TMTC1: variants seen among roughly 807,000 people sequenced by gnomAD.
The protein encoded by TMTC1 is transmembrane O-mannosyltransferase targeting cadherins 1.
Under a neutral mutation model 104.8 loss-of-function variants are expected in TMTC1, and 73 were observed. The observed-to-expected ratio is 0.70, with a 90% CI of 0.58 to 0.85. The LOEUF is 0.85. TMTC1 is among the 40% of genes least tolerant of loss of function. TMTC1 has a pLI of 0.00. For synonymous variants in TMTC1, 434 were observed against 428.7 expected (o/e 1.01, Z -0.15); for missense variants, 1,035 against 1,096.1 (o/e 0.94, Z 0.79).
At chr12:29,691,717 T>C (rs1207008503) in intron 5 of TMTC1, among the ~76,000 whole-genome samples, 1 of 76,446 alleles carries the variant, frequency 1.3e-5, no homozygotes, top group Non-Finnish European at 2.2e-5. Context: ...CACCCAAAAG[T>C]AGGAAAAAAA....
intron 5 of TMTC1, among the ~76,000 whole-genome samples, chr12:29,648,501 C>G (rs2136587274): frequency 6.6e-6 from 1 of 152,258 alleles, no homozygotes; most frequent in African/African-American, 2.4e-5. Flanking sequence ...TCAGAATCAG[C>G]TGAGCAAAAC....
chr12:29,767,303 A>G (rs940753830), intron 2 of TMTC1, among the ~76,000 whole-genome samples: 1 of 152,150 alleles, frequency 6.6e-6, no homozygotes, highest in Non-Finnish European at 1.5e-5. Flanking sequence ...TACCCTTCCT[A>G]TTAAGTAACT....
At chr12:29,568,789 C>T in intron 9 of TMTC1, 2 of 389,986 alleles carry the variant, frequency 5.1e-6, no homozygotes, top group Non-Finnish European at 1.0e-5. Flanking sequence ...TTAGCTGAGG[C>T]ATTTCTTGGG....
intron 5 of TMTC1, among the ~76,000 whole-genome samples, chr12:29,695,655 C>G (rs920918308): frequency 6.6e-6 from 1 of 151,730 alleles, no homozygotes; most frequent in Non-Finnish European, 1.5e-5. Flanking sequence ...GGAGCCACTA[C>G]TTAATACATT....
intron 15 of TMTC1, 31 bp downstream of exon 15, chr12:29,516,318 C>T: frequency 6.3e-7 from 1 of 1,596,484 alleles, no homozygotes; most frequent in Non-Finnish European, 8.6e-7. Context: ...ACCTATGAAT[C>T]CAAAGAACTC....
At chr12:29,708,644 T>C (rs11613653) in intron 5 of TMTC1, among the ~76,000 whole-genome samples, 3 of 152,216 alleles carry the variant, frequency 2.0e-5, no homozygotes, top group Non-Finnish European at 1.5e-5. Flanking sequence ...CAACACCAAC[T>C]GCTGACTGGC....
At chr12:29,701,558 G>T (rs919230381) in intron 5 of TMTC1, among the ~76,000 whole-genome samples, 17 of 152,206 alleles carry the variant, frequency 1.1e-4, no homozygotes, top group Admixed American at 1.3e-4. Context: ...AAGGCTGAAG[G>T]TTCTTCCCAC....
rs905652684 is a variant in TMTC1, at chr12:29,595,606, C to T, written c.1250+8572G>A. Among the ~76,000 whole-genome samples the T allele has an allele frequency of 3.3e-5, 5 of 152,220 alleles. No homozygotes were observed. The South Asian group carries it at 1.0e-3, about 32-fold the overall frequency. ...GCTCTCTCTGGATGAGACTTAACTCCTAGCTCTCACATCCTCTTCTGCCTT... is the reference window on the plus strand; with the variant it reads ...GCTCTCTCTGGATGAGACTTAACTCTTAGCTCTCACATCCTCTTCTGCCTT... On this transcript the variant is annotated intron_variant, in intron 7 of 17. Coordinates refer to ENST00000539277, the MANE Select transcript of TMTC1 (RefSeq NM_001193451.2).
chr12:29,766,124 C>G (rs1943458213), intron 2 of TMTC1, among the ~76,000 whole-genome samples: 1 of 152,224 alleles, frequency 6.6e-6, no homozygotes, highest in African/African-American at 2.4e-5. Flanking sequence ...CTTAAAGGCA[C>G]CTTGCTCAGT....
Position 29,564,881 on chromosome 12 carries a change from T to C in TMTC1, c.1532+7224A>G, listed in dbSNP as rs141781093. On this transcript the variant is annotated intron_variant, in intron 9 of 17. Transcript: ENST00000539277. ...GGTGAAGGGGAGGAAGCAAAGGATTTAAACAGAGGATTATAAATAAGCTCT... is the reference window on the plus strand; with the variant it reads ...GGTGAAGGGGAGGAAGCAAAGGATTCAAACAGAGGATTATAAATAAGCTCT... 1.4e-4 allele frequency among the ~76,000 whole-genome samples: 21 copies of C among 152,230 alleles called. No homozygotes were observed. The East Asian group carries it at 3.9e-3, about 28-fold the overall frequency.
intron 6 of TMTC1, among the ~76,000 whole-genome samples, chr12:29,614,495 G>T (rs1275144831): frequency 6.6e-6 from 1 of 152,182 alleles, no homozygotes; most frequent in African/African-American, 2.4e-5. Flanking sequence ...GCTTAAAAGG[G>T]TGAATTTAAT....
At chr12:29,660,382 G>C (rs1407799686) in intron 5 of TMTC1, among the ~76,000 whole-genome samples, 2 of 152,178 alleles carry the variant, frequency 1.3e-5, no homozygotes, top group Admixed American at 6.5e-5. Flanking sequence ...ATGATGATCA[G>C]AAGAACCGAA....
chr12:29,593,569 AC>A lies in TMTC1; in HGVS notation c.1251-9996del, dbSNP rs1342732247. Among the ~76,000 whole-genome samples the A allele has an allele frequency of 4.6e-5, 7 of 152,364 alleles. No homozygotes were observed. In the East Asian group the frequency reaches 1.3e-3, roughly 29 times the overall value. On this transcript the variant is annotated intron_variant, in intron 7 of 17. Coordinates refer to ENST00000539277, the MANE Select transcript of TMTC1 (RefSeq NM_001193451.2). ...GAACAGATATTGCAGAAGGTAAGAT[AC>A]ACTGGTAGTATGTGAACTATTGTAG...
chr12:29,521,766 C>T (rs1227472196), intron 11 of TMTC1, among the ~76,000 whole-genome samples: 2 of 151,922 alleles, frequency 1.3e-5, no homozygotes, highest in Non-Finnish European at 2.9e-5. Context: ...TGGGGTTTCC[C>T]CATGTTGGCC....
At chr12:29,518,418 G>A (rs1194823384) in intron 13 of TMTC1, 54 bp downstream of exon 13, 2 of 1,586,476 alleles carry the variant, frequency 1.3e-6, no homozygotes, top group Non-Finnish European at 1.7e-6. Context: ...AGAAGCTGAT[G>A]AGTGATTGCT....
chr12:29,716,138 C>T (rs1185982036), intron 5 of TMTC1, among the ~76,000 whole-genome samples: 2 of 151,930 alleles, frequency 1.3e-5, no homozygotes, highest in African/African-American at 4.8e-5. Context: ...CCTGCCTTAG[C>T]CTCCCCAGTA....
At chr12:29,722,592 T>C (rs1363051158) in intron 5 of TMTC1, among the ~76,000 whole-genome samples, 1 of 152,172 alleles carries the variant, frequency 6.6e-6, no homozygotes, top group Admixed American at 6.5e-5. Flanking sequence ...TATATGTCGA[T>C]GATCTAAAAG....
chr12:29,701,655 C>T (rs1941597833), intron 5 of TMTC1, among the ~76,000 whole-genome samples: 1 of 152,166 alleles, frequency 6.6e-6, no homozygotes. Flanking sequence ...GCTTCTTGGA[C>T]AACAAAACTT....
chr12:29,547,475 TTGAG>T (rs1592211456), intron 10 of TMTC1, among the ~76,000 whole-genome samples: 1 of 152,242 alleles, frequency 6.6e-6, no homozygotes, highest in Non-Finnish European at 1.5e-5. Flanking sequence ...CTGCCAAATC[TTGAG>T]TAAGTACATA....
Sources: gnomAD v4.1 joint callset for allele counts (sites outside exome capture counted in the v4.1 genomes callset) on GRCh38, gnomAD v4.1.1 for gene constraint, MANE v1.5 for transcripts, NCBI Gene and HGNC (gene_info 2026-07-23, HGNC 2026-07-21) for gene names.